PRELID2: variants seen among roughly 807,000 people sequenced by gnomAD.
PRELID2 encodes PRELI domain-containing protein 2.
In PRELID2, 25 loss-of-function variants were observed where a neutral mutation model predicts 28.4. That is an observed-to-expected ratio of 0.88 (90% confidence interval 0.64 to 1.23). The LOEUF (loss-of-function observed/expected upper bound fraction) is 1.23. Among genes scored for constraint, PRELID2 ranks in the 50% most tolerant of loss-of-function variants. The pLI, the probability that PRELID2 is intolerant of heterozygous loss-of-function variation, is 0.00. For synonymous variants in PRELID2, 76 were observed against 71.6 expected, an observed-to-expected ratio of 1.06 and a Z score of -0.31; for missense variants, 201 against 214.4, an observed-to-expected ratio of 0.94 and a Z score of 0.39.
chr5:145,797,747 G>A (rs1021978317), intron 4 of PRELID2, among the ~76,000 whole-genome samples: 5 of 152,062 alleles, frequency 3.3e-5, no homozygotes, highest in Non-Finnish European at 7.4e-5. Flanking sequence ...TATGAAGCCA[G>A]TCCATAAGAC....
the PRELID2 span, among the ~76,000 whole-genome samples, chr5:145,257,618 ATGTT>A: frequency 6.6e-6 from 1 of 152,184 alleles, no homozygotes; most frequent in Non-Finnish European, 1.5e-5. Flanking sequence ...AGAATATAGA[ATGTT>A]TGAGAGTAAA....
Position 145,715,648 on chromosome 5 carries a change from C to T in PRELID2, n.70+49283G>A, listed in dbSNP as rs377374656. On this transcript the variant is annotated intron_variant and non_coding_transcript_variant, in intron 1 of 2. Transcript: ENST00000510259. ...CTCATTCTGCTCCCACTTCACTCAC[C>T]ACTGCCCATCCACACTGGTTTCTGT... is the stretch of plus-strand genomic sequence containing the variant. Among the ~76,000 whole-genome samples, 8 of 152,260 alleles carry T rather than the reference C, an allele frequency of 5.3e-5. 1 individual carries two copies. The highest frequency in any genetic ancestry group is 1.9e-4 in the African/African-American group (8 of 41,556).
chr5:145,590,129 C>A (rs1327511543), intron 1 of PRELID2, among the ~76,000 whole-genome samples: 2 of 152,144 alleles, frequency 1.3e-5, no homozygotes, highest in Non-Finnish European at 1.5e-5. Context: ...TTAGAGCTCA[C>A]TGGCTTTTTC....
chr5:145,454,868 T>G, the PRELID2 span, among the ~76,000 whole-genome samples: 1 of 152,218 alleles, frequency 6.6e-6, no homozygotes, highest in Non-Finnish European at 1.5e-5. Context: ...CCTTGTAGAT[T>G]CTGGATATTA....
intron 1 of PRELID2, among the ~76,000 whole-genome samples, chr5:145,569,373 G>T (rs1752998386): frequency 6.6e-6 from 1 of 152,142 alleles, no homozygotes; most frequent in South Asian, 2.1e-4. Context: ...GCCCTTAATT[G>T]TAATTTTTAA....
chr5:145,583,343 G>A (rs911743006), intron 1 of PRELID2, among the ~76,000 whole-genome samples: 1 of 152,050 alleles, frequency 6.6e-6, no homozygotes, highest in African/African-American at 2.4e-5. Flanking sequence ...TCCTACCGAT[G>A]GGCAAAAACT....
intron 5 of PRELID2, among the ~76,000 whole-genome samples, chr5:145,790,118 C>T (rs572619458): frequency 6.6e-6 from 1 of 152,216 alleles, no homozygotes; most frequent in South Asian, 2.1e-4. Context: ...ATAGAACTAC[C>T]ATATGATCCA....
chr5:145,381,969 T>C, the PRELID2 span, among the ~76,000 whole-genome samples: 1 of 151,582 alleles, frequency 6.6e-6, no homozygotes, highest in East Asian at 1.9e-4. Context: ...TTTTTTTTTT[T>C]AATTTAGCAG....
intron 4 of PRELID2, among the ~76,000 whole-genome samples, chr5:145,809,689 T>C (rs1403400104): frequency 6.6e-6 from 1 of 152,226 alleles, no homozygotes; most frequent in Non-Finnish European, 1.5e-5. Flanking sequence ...GTGCTGAGTG[T>C]AGAAGAATAA....
chr5:145,295,376 G>C, the PRELID2 span, among the ~76,000 whole-genome samples: 1 of 152,130 alleles, frequency 6.6e-6, no homozygotes. Flanking sequence ...GTTTAAGTCA[G>C]TGTTACACAC....
intron 1 of PRELID2, among the ~76,000 whole-genome samples, chr5:145,674,098 G>A (rs576542926): frequency 1.3e-5 from 2 of 152,218 alleles, no homozygotes; most frequent in South Asian, 4.2e-4. Flanking sequence ...TAGGAGGGGG[G>A]ATCCTAGCCC....
chr5:145,673,305 T>C (rs757254078), intron 1 of PRELID2, among the ~76,000 whole-genome samples: 1 of 152,122 alleles, frequency 6.6e-6, no homozygotes, highest in Non-Finnish European at 1.5e-5. Context: ...TTACATTAGA[T>C]GTTCTGAGAG....
chr5:145,786,800 T>C (rs1465329180), intron 5 of PRELID2, among the ~76,000 whole-genome samples: 2 of 152,222 alleles, frequency 1.3e-5, no homozygotes, highest in Non-Finnish European at 2.9e-5. Context: ...TCTCCACTTT[T>C]TTCTTGAGTC....
the PRELID2 span, among the ~76,000 whole-genome samples, chr5:145,466,158 G>T: frequency 6.6e-6 from 1 of 152,018 alleles, no homozygotes; most frequent in African/African-American, 2.4e-5. Context: ...AGTTGGCAAT[G>T]ATTAATAAAA....
intron 1 of PRELID2, among the ~76,000 whole-genome samples, chr5:145,539,811 A>T (rs528701467): frequency 6.7e-4 from 102 of 151,902 alleles, no homozygotes; most frequent in Middle Eastern, 6.8e-3. Context: ...AGTTCTTAAT[A>T]ATTTGGGAGA....
chr5:145,697,185 T>C (rs776060385), intron 1 of PRELID2, among the ~76,000 whole-genome samples: 18 of 150,514 alleles, frequency 1.2e-4, no homozygotes, highest in Non-Finnish European at 2.1e-4. Context: ...ATATAAGACA[T>C]ATATTTGACT....
the PRELID2 span, among the ~76,000 whole-genome samples, chr5:145,408,042 G>A: frequency 7.2e-5 from 11 of 152,076 alleles, no homozygotes; most frequent in African/African-American, 1.9e-4. Context: ...GACCCAGAAG[G>A]GCAACAACAA....
chr5:145,238,559 G>A, the PRELID2 span, among the ~76,000 whole-genome samples: 1 of 151,960 alleles, frequency 6.6e-6, no homozygotes, highest in Non-Finnish European at 1.5e-5. Context: ...TATGTACTAA[G>A]CATCTGTTGA....
intron 3 of PRELID2, chr5:145,819,660 TTAGA>T (rs1277608033): frequency 7.0e-6 from 4 of 568,096 alleles, no homozygotes; most frequent in African/African-American, 3.8e-5. Flanking sequence ...CATGAACAGA[TTAGA>T]TAGTCACTTC....
Sources: allele counts gnomAD v4.1 joint callset (sites outside exome capture counted in the v4.1 genomes callset), GRCh38; gene constraint gnomAD v4.1.1; transcripts MANE v1.5; gene names NCBI Gene and HGNC (gene_info 2026-07-23, HGNC 2026-07-21).